The following ASAP2 variants were observed in gnomAD, a reference collection of about 807,000 sequenced individuals.
ASAP2 encodes ArfGAP with SH3 domain, ankyrin repeat and PH domain 2, also known as arf-GAP with SH3 domain, ANK repeat and PH domain-containing protein 2.
In ASAP2, 45 loss-of-function variants were observed where a neutral mutation model predicts 131.4. The ratio of observed to expected loss-of-function variants is 0.34; its 90% CI spans 0.27 to 0.44. ASAP2 has a LOEUF of 0.44. Among genes scored for constraint, ASAP2 ranks in the 20% least tolerant of loss-of-function variants. The pLI is 1.00. For missense variants in ASAP2, 1,011 were observed against 1,297.0 expected, an observed-to-expected ratio of 0.78 and a Z score of 3.39; for synonymous variants, 510 against 503.0, an observed-to-expected ratio of 1.01 and a Z score of -0.19.
At chr2:9,304,759 A>G (rs1190338808) in intron 3 of ASAP2, among the ~76,000 whole-genome samples, 3 of 106,314 alleles carry the variant, frequency 2.8e-5, no homozygotes, top group Admixed American at 1.0e-4. Flanking sequence ...GGGGGTTGTA[A>G]TAGTGGGGTA....
chr2:9,270,586 ACT>A (rs1333647338), intron 1 of ASAP2, among the ~76,000 whole-genome samples: 20 of 151,306 alleles, frequency 1.3e-4, no homozygotes, highest in Admixed American at 1.2e-3. Context: ...TCTCAATTAT[ACT>A]CTCTTAGTTA....
intron 25 of ASAP2, 77 bp from the exon 26 acceptor site, chr2:9,400,665 C>A: frequency 7.5e-7 from 1 of 1,335,000 alleles, no homozygotes; most frequent in Non-Finnish European, 1.1e-6. Flanking sequence ...CAGACACACC[C>A]TGTGGCTTGT....
Position 9,389,801 on chromosome 2 carries a change from G to T in ASAP2, c.2383+1255G>T, listed in dbSNP as rs527651806. ...CCGCGTCCATCCCTGGCTTGATGAG[G>T]ACGTCCCTGAGCACAGAAGGCAGCT... is the stretch of plus-strand genomic sequence containing the variant. On this transcript the variant is annotated intron_variant, in intron 22 of 27. Transcript: ENST00000281419. The surrounding 1 kb of genome is among the most constrained non-coding windows in gnomAD (Gnocchi z 4.7). 9.1e-4 allele frequency among the ~76,000 whole-genome samples: 138 copies of T among 152,260 alleles called. 1 individual carries two copies. The highest frequency in any genetic ancestry group is 1.1e-3 in the Non-Finnish European group (74 of 68,016).
Position 9,207,085 on chromosome 2 carries a change from A to G in ASAP2, c.-20A>G. Reference sequence around the variant, plus strand: ...GGCGGCGCCCCTGCGGCTGTGCGCCAGCGCCCTCGCGCCGAGGCGATGCCG... The same window carrying G: ...GGCGGCGCCCCTGCGGCTGTGCGCCGGCGCCCTCGCGCCGAGGCGATGCCG... On this transcript the variant is annotated 5_prime_UTR_variant, in exon 1 of 28. Coordinates refer to ENST00000281419, the MANE Select transcript of ASAP2 (RefSeq NM_003887.3). The surrounding 1 kb of genome is among the most constrained non-coding windows in gnomAD (Gnocchi z 4.1). 1.3e-6 allele frequency: 2 copies of G among 1,550,584 alleles called. No individual in the cohort carries two copies. The highest frequency in any genetic ancestry group is 1.7e-6 in the Non-Finnish European group (2 of 1,148,370).
At chr2:9,330,753 T>A (rs1438104975) in intron 7 of ASAP2, among the ~76,000 whole-genome samples, 1 of 152,214 alleles carries the variant, frequency 6.6e-6, no homozygotes, top group East Asian at 1.9e-4. Flanking sequence ...AAGAAGAAGC[T>A]ATTCTGGGAT....
At chr2:9,309,637 G>A (rs1243470363) in intron 3 of ASAP2, among the ~76,000 whole-genome samples, 1 of 152,188 alleles carries the variant, frequency 6.6e-6, no homozygotes, top group East Asian at 1.9e-4. Flanking sequence ...TTTATTGTCT[G>A]TCCGTGACAC....
rs979473096 is a variant in ASAP2, at chr2:9,391,937, G to A, written c.2518+741G>A. Among the ~76,000 whole-genome samples the A allele has an allele frequency of 4.6e-5, 7 of 152,026 alleles. 1 individual carries two copies. The highest frequency in any genetic ancestry group is 1.7e-4 in the African/African-American group (7 of 41,360). The stretch of plus-strand genomic sequence containing the variant: ...TCTTTGTCCCCCAGGCTGGAGTGCA[G>A]TGGCACAATCATGGCTCACTGCAGC... On this transcript the variant is annotated intron_variant, in intron 23 of 27. Transcript: ENST00000281419.
chr2:9,348,110 T>TTTTGTTTGTTTG (rs529354755), intron 11 of ASAP2, among the ~76,000 whole-genome samples: 6 of 41,624 alleles, frequency 1.4e-4, no homozygotes, highest in East Asian at 7.8e-4. Flanking sequence ...GATGACACTT[T>TTTTGTTTGTTTG]TTTGTCTGTT....
intron 23 of ASAP2, 24 bp downstream of exon 23, chr2:9,391,220 T>C (rs1675695245): frequency 1.3e-6 from 2 of 1,597,756 alleles, no homozygotes; most frequent in African/African-American, 2.7e-5. Context: ...CTTTTTCCTT[T>C]CTTGCCCGTG....
Position 9,389,846 on chromosome 2 carries a change from T to C in ASAP2, c.2384-1216T>C, listed in dbSNP as rs1386030059. 6.6e-6 allele frequency among the ~76,000 whole-genome samples: 1 copy of C among 152,064 alleles called. No individual in the cohort carries two copies. ...GCAGCTACAAGATGAAGCCACACAG[T>C]CGCATCTCCTCCCTGTCAAACCCCC... On this transcript the variant is annotated intron_variant, in intron 22 of 27. Coordinates refer to ENST00000281419, the MANE Select transcript of ASAP2 (RefSeq NM_003887.3). The surrounding 1 kb of genome is among the most constrained non-coding windows in gnomAD (Gnocchi z 4.7).
chr2:9,330,120 G>C (rs900242553), intron 7 of ASAP2, among the ~76,000 whole-genome samples: 10 of 152,176 alleles, frequency 6.6e-5, no homozygotes, highest in Non-Finnish European at 1.3e-4. Flanking sequence ...CTCTGCTTTG[G>C]AATTCTTAAT....
At chr2:9,259,650 C>G (rs956925356) in intron 1 of ASAP2, among the ~76,000 whole-genome samples, 15 of 152,240 alleles carry the variant, frequency 9.9e-5, no homozygotes, top group Admixed American at 9.8e-4. Flanking sequence ...TCTCAGGCCC[C>G]CTGCCCCGAG....
chr2:9,388,497 C>G lies in ASAP2; in HGVS notation c.2334C>G (p.Ala778=), dbSNP rs778331813. The change falls in exon 22 of 28, where the codon GCC becomes GCG. Residue 778 remains alanine, a synonymous_variant. Transcript: ENST00000281419. ...SGSPPPAQPA[A]PSTTSAPPLP... Reference sequence around the variant, plus strand: ...GCCCACCTCCCGCCCAGCCTGCAGCCCCCAGCACCACCAGCGCCCCCCCGC... The same window carrying G: ...GCCCACCTCCCGCCCAGCCTGCAGCGCCCAGCACCACCAGCGCCCCCCCGC... 2 of 1,613,924 alleles carry G rather than the reference C, an allele frequency of 1.2e-6. No homozygotes were observed. Among genetic ancestry groups the G allele is most frequent in the South Asian group, 2.2e-5 (2 of 91,030 alleles).
chr2:9,374,988 C>T (rs370429713), intron 17 of ASAP2, 44 bp downstream of exon 17: 37 of 1,434,294 alleles, frequency 2.6e-5, no homozygotes, highest in East Asian at 1.4e-4. Flanking sequence ...AAAAAAAGGC[C>T]GGCCACGGTG....
chr2:9,398,879 C>T (rs1196143305), intron 24 of ASAP2: 1 of 151,986 alleles, frequency 6.6e-6, no homozygotes, highest in Non-Finnish European at 1.5e-5. Flanking sequence ...AAAGTCTGCT[C>T]ACTGCTGTCT....
chr2:9,376,252 G>T (rs1436002636), intron 17 of ASAP2, among the ~76,000 whole-genome samples: 1 of 152,248 alleles, frequency 6.6e-6, no homozygotes, highest in Non-Finnish European at 1.5e-5. Flanking sequence ...AGCAGGCAGG[G>T]CAGGCGGCCT....
chr2:9,357,196 C>T (rs556042760), intron 14 of ASAP2, among the ~76,000 whole-genome samples: 7 of 151,790 alleles, frequency 4.6e-5, no homozygotes, highest in Admixed American at 3.3e-4. Flanking sequence ...AAAAGAATAC[C>T]GACTGGGTGC....
At chr2:9,366,787 A>C (rs745731867) in intron 15 of ASAP2, among the ~76,000 whole-genome samples, 1 of 152,168 alleles carries the variant, frequency 6.6e-6, no homozygotes, top group Non-Finnish European at 1.5e-5. Context: ...AGGAAAGCTC[A>C]TCATCCAGCT....
chr2:9,230,585 T>C (rs1663088960), intron 1 of ASAP2, among the ~76,000 whole-genome samples: 1 of 152,180 alleles, frequency 6.6e-6, no homozygotes, highest in Non-Finnish European at 1.5e-5. Context: ...GCAGTATCTG[T>C]GTGCAGACCT....
Sources: allele counts gnomAD v4.1 joint callset (sites outside exome capture counted in the v4.1 genomes callset), GRCh38; gene constraint gnomAD v4.1.1; non-coding constraint Gnocchi (gnomAD v3.1); transcripts MANE v1.5; gene names NCBI Gene and HGNC (gene_info 2026-07-23, HGNC 2026-07-21).